The following ITGA2 variants were observed in gnomAD, a reference collection of about 807,000 sequenced individuals.
ITGA2 encodes the protein integrin subunit alpha 2, also known as integrin alpha-2.
Under a neutral mutation model 146.3 loss-of-function variants are expected in ITGA2, and 101 were observed. That is an observed-to-expected ratio of 0.69 (90% CI 0.59 to 0.81). The LOEUF (loss-of-function observed/expected upper bound fraction) is 0.81, where lower values mean the gene tolerates loss of function less well. Among genes scored for constraint, ITGA2 ranks in the 40% least tolerant of loss-of-function variants. The pLI, the probability that ITGA2 is intolerant of heterozygous loss-of-function variation, is 0.00. For synonymous variants in ITGA2, 477 were observed against 487.1 expected, an observed-to-expected ratio of 0.98 and a Z score of 0.27; for missense variants, 1,281 against 1,402.7, an observed-to-expected ratio of 0.91 and a Z score of 1.39.
chr5:53,031,044 G>A (rs1442438193), intron 2 of ITGA2, among the ~76,000 whole-genome samples: 1 of 152,210 alleles, frequency 6.6e-6, no homozygotes, highest in African/African-American at 2.4e-5. Context: ...CGACTCTCAG[G>A]CTCAAGGAAA....
intron 1 of ITGA2, among the ~76,000 whole-genome samples, chr5:53,004,055 T>C (rs1741710631): frequency 6.6e-6 from 1 of 152,058 alleles, no homozygotes; most frequent in Non-Finnish European, 1.5e-5. Context: ...GTCTGTGCAT[T>C]GTAGGATATT....
intron 14 of ITGA2, 104 bp from the exon 15 acceptor site, chr5:53,065,737 C>T: frequency 7.1e-7 from 1 of 1,415,358 alleles, no homozygotes; most frequent in Non-Finnish European, 9.8e-7. Flanking sequence ...TAAACACAAT[C>T]TGGGACATTA....
intron 3 of ITGA2, among the ~76,000 whole-genome samples, chr5:53,044,605 A>T (rs1423969983): frequency 6.6e-6 from 1 of 152,088 alleles, no homozygotes; most frequent in Non-Finnish European, 1.5e-5. Flanking sequence ...ATTCTTTGAT[A>T]ACACTTCAAG....
chr5:53,058,156 A>G, intron 10 of ITGA2, 55 bp downstream of exon 10: 1 of 1,272,530 alleles, frequency 7.9e-7, no homozygotes, highest in Admixed American at 1.7e-5. Flanking sequence ...ACACTTCCAG[A>G]CACAGTAGCC....
chr5:53,026,208 T>G (rs1742936155), intron 1 of ITGA2, among the ~76,000 whole-genome samples: 1 of 152,222 alleles, frequency 6.6e-6, no homozygotes. Context: ...CTATCTCCTT[T>G]GATGTAGTCA....
intron 6 of ITGA2, among the ~76,000 whole-genome samples, chr5:53,050,847 C>G (rs3212504): frequency 0.091 from 13,906 of 152,250 alleles, 696 homozygotes; most frequent in Middle Eastern, 0.16. Context: ...CATATAGCAT[C>G]TTCTTTCCAG....
In ITGA2 at chr5:53,092,088, T is replaced by C. The variant is rs965805688; in HGVS notation, c.*1489T>C. ...TCACTAGGATGCAGATGGACCACAC[T>C]TTGAGAAACACCACCCATTTCTACT... On this transcript the variant is annotated 3_prime_UTR_variant, in exon 30 of 30. Coordinates refer to ENST00000296585, the MANE Select transcript of ITGA2 (RefSeq NM_002203.4). 3.3e-5 allele frequency: 5 copies of C among 152,242 alleles called. No individual in the cohort carries two copies. Among genetic ancestry groups the C allele is most frequent in the African/African-American group, 1.2e-4 (5 of 41,454 alleles). The allele number at this position is 152,242 out of a possible 1,614,324, so 9.4% of individuals were successfully genotyped here.
At chr5:53,001,687 A>G (rs1465434550) in intron 1 of ITGA2, among the ~76,000 whole-genome samples, 2 of 152,146 alleles carry the variant, frequency 1.3e-5, no homozygotes, top group Admixed American at 6.6e-5. Context: ...AAAAATTTAA[A>G]AAATTAGCCA....
rs773350605 is a variant in ITGA2 at position 53,062,941 on chromosome 5, A to G, written c.1602+12A>G. 2 of 1,600,508 alleles carry G rather than the reference A, an allele frequency of 1.2e-6. No individual in the cohort carries two copies. Among genetic ancestry groups the G allele is most frequent in the South Asian group, 1.1e-5 (1 of 89,812 alleles). ...TTACTATCAAAGAGGTAAAAAAAAAAAAATAAACTAATAGTTTAATTTGCT... is the reference window on the plus strand; with the variant it reads ...TTACTATCAAAGAGGTAAAAAAAAAGAAATAAACTAATAGTTTAATTTGCT... On this transcript the variant is annotated intron_variant, in intron 13 of 29. Coordinates refer to ENST00000296585, the MANE Select transcript of ITGA2 (RefSeq NM_002203.4).
intron 27 of ITGA2, among the ~76,000 whole-genome samples, 178 bp downstream of exon 27, chr5:53,083,631 AT>A (rs750630832): frequency 1.3e-5 from 2 of 152,120 alleles, no homozygotes; most frequent in Non-Finnish European, 2.9e-5. Flanking sequence ...TGCCCATCCA[AT>A]TTAGCAGTGC....
chr5:53,043,084 T>TGTCA (rs1255065142), intron 3 of ITGA2, among the ~76,000 whole-genome samples: 1 of 152,114 alleles, frequency 6.6e-6, no homozygotes, highest in Non-Finnish European at 1.5e-5. Flanking sequence ...ATATCAGTAG[T>TGTCA]GTCAAATGCT....
intron 2 of ITGA2, among the ~76,000 whole-genome samples, chr5:53,038,200 G>A (rs1743583857): frequency 9.0e-6 from 1 of 111,466 alleles, no homozygotes. Flanking sequence ...GCTACCAGAG[G>A]CTCTGATAAA....
rs1740333169 is a variant in ITGA2 at position 53,089,971 on chromosome 5, A to T, written c.3374A>T (p.Asp1125Val). 1 of 1,611,308 alleles carries T rather than the reference A, an allele frequency of 6.2e-7. No homozygotes were observed. ...ATTCCCCTGATGATAATGAAACCTG[A>T]TGAGAAAGCCGAAGTACCAACAGGA... ...VTIPLMIMKP[D>V]EKAEVPTGVI... The change falls in exon 29 of 30, where the codon GAT becomes GTT. Residue 1125 changes from aspartate (D) to valine (V), a missense_variant. By Grantham distance (152) the Asp-to-Val change is radical. Around this residue, in one of 3 missense-constraint regions of ITGA2, gnomAD observed 475 missense variants for 530.5 expected, o/e 0.90. Transcript: ENST00000296585.
intron 2 of ITGA2, among the ~76,000 whole-genome samples, chr5:53,033,909 G>A (rs773768661): frequency 7.9e-5 from 12 of 151,778 alleles, no homozygotes; most frequent in South Asian, 4.2e-4. Flanking sequence ...AACTACAAGC[G>A]CCCACCACCA....
chr5:53,030,512 G>C (rs1743174354), intron 2 of ITGA2, among the ~76,000 whole-genome samples: 1 of 152,198 alleles, frequency 6.6e-6, no homozygotes, highest in Non-Finnish European at 1.5e-5. Flanking sequence ...GACAGCACCT[G>C]TCTGACCTGA....
At chr5:53,000,897 G>GTTTTTTTTTTTTTTTT (rs369482288) in intron 1 of ITGA2, among the ~76,000 whole-genome samples, 19 of 97,230 alleles carry the variant, frequency 2.0e-4, no homozygotes, top group African/African-American at 3.1e-4. Flanking sequence ...TTTTCTTTTT[G>GTTTTTTTTTTTTTTTT]TTTTTTTTTT....
intron 27 of ITGA2, among the ~76,000 whole-genome samples, chr5:53,084,208 C>G (rs1746049397): frequency 6.6e-6 from 1 of 152,134 alleles, no homozygotes; most frequent in Admixed American, 6.5e-5. Flanking sequence ...GGCTAGCATT[C>G]CTTTTACTGA....
chr5:53,061,019 G>A lies in ITGA2; in HGVS notation c.1431G>A (p.Thr477=), dbSNP rs190704788. 8.7e-6 allele frequency: 14 copies of A among 1,612,238 alleles called. No individual in the cohort carries two copies. Among genetic ancestry groups the A allele is most frequent in the East Asian group, 4.5e-5 (2 of 44,806 alleles). The change falls in exon 12 of 30, where the codon ACG becomes ACA. Residue 477 remains threonine (T), a synonymous_variant. Transcript: ENST00000296585. ...LYSVNENGNI[T]VIQAHRGDQI... ...GTGTGAATGAGAATGGCAATATCAC[G>A]GTTATTCAGGCTCACCGAGGTGACC...
chr5:53,082,327 C>G (rs749934284), intron 26 of ITGA2, among the ~76,000 whole-genome samples: 1 of 152,172 alleles, frequency 6.6e-6, no homozygotes, highest in Non-Finnish European at 1.5e-5. Context: ...TATTGGAATT[C>G]TCCTGGTTTT....
Sources: allele counts gnomAD v4.1 joint callset (sites outside exome capture counted in the v4.1 genomes callset), GRCh38; gene constraint gnomAD v4.1.1; regional missense constraint gnomAD v4.1.1; transcripts MANE v1.5; gene names NCBI Gene and HGNC (gene_info 2026-07-23, HGNC 2026-07-21).